Variants in LPP observed in about 807,000 individuals in gnomAD.
LPP encodes lipoma-preferred partner.
A neutral mutation model predicts 60.4 loss-of-function variants in LPP; 38 were observed. That is an observed-to-expected ratio of 0.63 (90% CI 0.49 to 0.83). The LOEUF is 0.83. Ranked by LOEUF, LPP falls within the 40% of genes least tolerant of loss-of-function variation. LPP has a pLI of 0.00. For missense variants in LPP, 902 were observed against 783.6 expected (o/e 1.15, Z -1.80); for synonymous variants, 328 against 290.8 (o/e 1.13, Z -1.30).
intron 2 of LPP, among the ~76,000 whole-genome samples, chr3:188,227,291 C>A (rs1718141185): frequency 1.3e-5 from 2 of 150,498 alleles, no homozygotes; most frequent in South Asian, 2.1e-4. Flanking sequence ...CACCCACTAA[C>A]TCGTCATCTA....
At chr3:188,243,288 G>A (rs1400282824) in intron 2 of LPP, among the ~76,000 whole-genome samples, 3 of 152,040 alleles carry the variant, frequency 2.0e-5, no homozygotes, top group Non-Finnish European at 2.9e-5. Flanking sequence ...TGTTTCTACC[G>A]TTCCCCCTAC....
chr3:188,680,004 A>C (rs1019270712), intron 7 of LPP, among the ~76,000 whole-genome samples: 2 of 152,122 alleles, frequency 1.3e-5, no homozygotes, highest in Non-Finnish European at 2.9e-5. Flanking sequence ...AAACAGCAAA[A>C]TTGTCATTAG....
chr3:188,489,952 T>C (rs1807821756), intron 5 of LPP, among the ~76,000 whole-genome samples: 1 of 152,214 alleles, frequency 6.6e-6, no homozygotes, highest in Non-Finnish European at 1.5e-5. Context: ...CCTTTTCTGT[T>C]TGGTCCTGCA....
At chr3:188,640,777 G>C (rs1849950664) in intron 7 of LPP, among the ~76,000 whole-genome samples, 3 of 151,792 alleles carry the variant, frequency 2.0e-5, no homozygotes, top group Admixed American at 2.0e-4. Context: ...TGGAGAAAAA[G>C]CTCTGACCTC....
chr3:188,865,845 G>A (rs1766439917), intron 9 of LPP, among the ~76,000 whole-genome samples: 1 of 152,158 alleles, frequency 6.6e-6, no homozygotes, highest in Non-Finnish European at 1.5e-5. Flanking sequence ...CACCCATGCT[G>A]TAGGAAACAA....
intron 3 of LPP, among the ~76,000 whole-genome samples, chr3:188,355,410 A>AT (rs773455414): frequency 6.6e-6 from 1 of 152,152 alleles, no homozygotes; most frequent in African/African-American, 2.4e-5. Flanking sequence ...ACTTTTCAGA[A>AT]TCTGTTTAGA....
chr3:188,326,070 T>G (rs1758347529), intron 2 of LPP, among the ~76,000 whole-genome samples: 1 of 152,226 alleles, frequency 6.6e-6, no homozygotes. Flanking sequence ...CTAGTGGCCC[T>G]GTGTGCAGAC....
chr3:188,512,751 C>T (rs908364419), intron 5 of LPP, among the ~76,000 whole-genome samples: 1 of 151,998 alleles, frequency 6.6e-6, no homozygotes, highest in African/African-American at 2.4e-5. Flanking sequence ...AAAAAAAATA[C>T]TTGAAAATGA....
intron 6 of LPP, among the ~76,000 whole-genome samples, chr3:188,601,993 G>A (rs980227709): frequency 1.3e-4 from 19 of 149,884 alleles, no homozygotes; most frequent in Non-Finnish European, 2.1e-4. Flanking sequence ...CCTTGAACAC[G>A]CGAGGCAGAG....
rs1231595836 is a variant in LPP, at chr3:188,720,284, T to C, written c.1240+11891T>C. ...AGTGCCTACTACTCACCAATTATTG[T>C]AGTGTATACTATGGGAGATAATGGA... On this transcript the variant is annotated intron_variant, in intron 8 of 11. Transcript: ENST00000617246. 4.6e-5 allele frequency among the ~76,000 whole-genome samples: 7 copies of C among 152,212 alleles called. 1 individual carries two copies. The highest frequency in any genetic ancestry group is 4.6e-4 in the Admixed American group (7 of 15,284).
At chr3:188,539,861 A>C (rs1399428622) in intron 6 of LPP, among the ~76,000 whole-genome samples, 1 of 152,066 alleles carries the variant, frequency 6.6e-6, no homozygotes, top group Non-Finnish European at 1.5e-5. Flanking sequence ...ATTTCATGGT[A>C]CTCCCATTGT....
intron 3 of LPP, among the ~76,000 whole-genome samples, chr3:188,401,301 C>A (rs982476729): frequency 1.3e-4 from 20 of 152,196 alleles, no homozygotes; most frequent in Non-Finnish European, 2.8e-4. Context: ...AAACTTTCCC[C>A]TAACTGTTCT....
intron 3 of LPP, among the ~76,000 whole-genome samples, chr3:188,399,097 C>T (rs574524839): frequency 6.6e-6 from 1 of 152,316 alleles, no homozygotes; most frequent in East Asian, 1.9e-4. Flanking sequence ...TTTGTACCAT[C>T]TAATTCCATC....
chr3:188,584,797 C>A (rs1016232401), intron 6 of LPP, among the ~76,000 whole-genome samples: 2 of 151,672 alleles, frequency 1.3e-5, no homozygotes, highest in East Asian at 3.9e-4. Flanking sequence ...CTTCGGAGCC[C>A]CAGATCTCTT....
At chr3:188,794,980 C>T (rs1201533630) in intron 9 of LPP, among the ~76,000 whole-genome samples, 1 of 152,054 alleles carries the variant, frequency 6.6e-6, no homozygotes, top group Non-Finnish European at 1.5e-5. Context: ...TACTAAAATA[C>T]AAAAATTAGC....
At chr3:188,798,125 T>C (rs1178614260) in intron 9 of LPP, among the ~76,000 whole-genome samples, 2 of 152,188 alleles carry the variant, frequency 1.3e-5, no homozygotes, top group African/African-American at 4.8e-5. Flanking sequence ...AATGTTTGCA[T>C]GACATATAAA....
intron 1 of LPP, among the ~76,000 whole-genome samples, chr3:188,188,559 C>T (rs1445887443): frequency 1.3e-5 from 2 of 152,042 alleles, no homozygotes; most frequent in African/African-American, 2.4e-5. Flanking sequence ...GGAATTGTTT[C>T]TCGGTGACTT....
chr3:188,429,556 C>T (rs1219246651), intron 4 of LPP, among the ~76,000 whole-genome samples: 1 of 152,052 alleles, frequency 6.6e-6, no homozygotes, highest in Non-Finnish European at 1.5e-5. Flanking sequence ...AAAGTATTTC[C>T]CCATGTTTTG....
chr3:188,799,428 C>T lies in LPP; in HGVS notation c.1410+39146C>T, dbSNP rs76822277. On this transcript the variant is annotated intron_variant, in intron 9 of 11. Coordinates refer to ENST00000617246, the MANE Select transcript of LPP (RefSeq NM_001375462.1). ...ATATTTTTTGCAAGAATTGTTGAAG[C>T]TTGACATGGGGATCACTGCAAATGT... is the stretch of plus-strand genomic sequence containing the variant. 3.3e-3 allele frequency among the ~76,000 whole-genome samples: 496 copies of T among 152,314 alleles called. 4 individuals are homozygous for T. The highest frequency in any genetic ancestry group is 0.012 in the African/African-American group (482 of 41,578).
Sources: gnomAD v4.1 joint callset for allele counts (sites outside exome capture counted in the v4.1 genomes callset) on GRCh38, gnomAD v4.1.1 for gene constraint, MANE v1.5 for transcripts, NCBI Gene and HGNC (gene_info 2026-07-23, HGNC 2026-07-21) for gene names.